Variants in DNAAF4 observed in about 807,000 individuals in gnomAD.
The protein encoded by DNAAF4 is dynein axonemal assembly factor 4.
In DNAAF4, 43 loss-of-function variants were observed where a neutral mutation model predicts 51.8. The observed-to-expected ratio is 0.83, with a 90% CI of 0.65 to 1.07. The LOEUF is 1.07. Among genes scored for constraint, DNAAF4 ranks in the 50% least tolerant of loss-of-function variants. The pLI, the probability that DNAAF4 is intolerant of heterozygous loss-of-function variation, is 0.00. For synonymous variants in DNAAF4, 194 were observed against 165.6 expected (o/e 1.17, Z -1.32); for missense variants, 581 against 493.0 (o/e 1.18, Z -1.69).
chr15:55,456,222 A>G (rs1212246020), intron 5 of DNAAF4, among the ~76,000 whole-genome samples: 1 of 151,714 alleles, frequency 6.6e-6, no homozygotes, highest in Non-Finnish European at 1.5e-5. Flanking sequence ...AGCTGGGATT[A>G]CAGGCACCCA....
At chr15:55,446,299 G>C (rs867738106) in intron 6 of DNAAF4, among the ~76,000 whole-genome samples, 53 of 97,762 alleles carry the variant, frequency 5.4e-4, no homozygotes, top group African/African-American at 2.3e-3. Context: ...TCCCAGACGG[G>C]GGGGGGGGGC....
chr15:55,469,332 A>T (rs1232397028), intron 4 of DNAAF4, among the ~76,000 whole-genome samples: 1 of 151,820 alleles, frequency 6.6e-6, no homozygotes, highest in East Asian at 1.9e-4. Flanking sequence ...CTCCTCTCAA[A>T]AAAAAAAGAA....
chr15:55,471,353 C>T (rs764986750), intron 4 of DNAAF4, among the ~76,000 whole-genome samples: 55 of 152,082 alleles, frequency 3.6e-4, no homozygotes, highest in Non-Finnish European at 6.2e-4. Flanking sequence ...AGCTCTGTGT[C>T]AGGAACCTGG....
intron 3 of DNAAF4, among the ~76,000 whole-genome samples, chr15:55,494,706 T>C (rs1016917923): frequency 1.3e-5 from 2 of 152,068 alleles, no homozygotes; most frequent in Non-Finnish European, 2.9e-5. Flanking sequence ...GCCACTGCGC[T>C]GAGCTTAAGT....
intron 6 of DNAAF4, among the ~76,000 whole-genome samples, chr15:55,443,845 CTTTT>C (rs1462935222): frequency 6.6e-6 from 1 of 152,162 alleles, no homozygotes; most frequent in East Asian, 1.9e-4. Flanking sequence ...TAAATGTCTT[CTTTT>C]GAGAAGTGTC....
At position 55,471,112 on chromosome 15, in the gene DNAAF4, C is replaced by T. The variant is rs1373286985; in HGVS notation, c.406-3951G>A. Among the ~76,000 whole-genome samples the T allele has an allele frequency of 2.6e-5, 4 of 152,174 alleles. No individual in the cohort carries two copies. The East Asian group carries it at 5.8e-4, about 22-fold the overall frequency. ...CTGGGCTCAAGCGATCCTCCCACCT[C>T]GGCCTCCCAAAGTGCTGGAATTACA... On this transcript the variant is annotated intron_variant, in intron 4 of 9. Coordinates refer to ENST00000321149, the MANE Select transcript of DNAAF4 (RefSeq NM_130810.4).
chr15:55,498,058 T>C, intron 2 of DNAAF4, 149 bp downstream of exon 2: 4 of 1,397,566 alleles, frequency 2.9e-6, no homozygotes, highest in Non-Finnish European at 3.9e-6. Context: ...AGATGGTGTG[T>C]TACCTGTATG....
intron 4 of DNAAF4, among the ~76,000 whole-genome samples, chr15:55,480,913 A>T (rs1347174928): frequency 6.6e-6 from 1 of 152,140 alleles, no homozygotes; most frequent in Non-Finnish European, 1.5e-5. Context: ...GGGTGGGACC[A>T]GGTGGAGGTA....
chr15:55,460,657 T>G (rs2058082194), intron 5 of DNAAF4, among the ~76,000 whole-genome samples: 2 of 152,150 alleles, frequency 1.3e-5, no homozygotes, highest in African/African-American at 2.4e-5. Context: ...TTAATAGATA[T>G]TTACAGAATA....
In DNAAF4 at chr15:55,470,644, C is replaced by T. The variant is rs1257363405; in HGVS notation, c.406-3483G>A. Reference sequence around the variant, plus strand: ...GCAGCCTCAACCTCCTGGGCTCCAACGATCCTCCAGTTCAGCCTTCTAGGT... The same window carrying T: ...GCAGCCTCAACCTCCTGGGCTCCAATGATCCTCCAGTTCAGCCTTCTAGGT... On this transcript the variant is annotated intron_variant, in intron 4 of 9. Transcript: ENST00000321149. Among the ~76,000 whole-genome samples, 4 of 151,136 alleles carry T rather than the reference C, an allele frequency of 2.6e-5. No individual in the cohort carries two copies. The East Asian group carries it at 5.9e-4, about 22-fold the overall frequency.
intron 6 of DNAAF4, among the ~76,000 whole-genome samples, chr15:55,446,326 T>C (rs1288698324): frequency 5.3e-5 from 4 of 75,558 alleles, no homozygotes; most frequent in Admixed American, 2.1e-4. Flanking sequence ...GCAGAGGCAC[T>C]CCTCACTTCC....
rs961855923 is a variant in DNAAF4, at chr15:55,430,434, C to T, written c.*236G>A. On this transcript the variant is annotated 3_prime_UTR_variant, in exon 10 of 10. Transcript: ENST00000321149. ...TAATTCAGTAACACAAAAAAGTATA[C>T]ATATGTATTAATATGAAGAAATAAG... The T allele has an allele frequency of 9.9e-7, 1 of 1,014,844 alleles. No individual in the cohort carries two copies. The highest frequency in any genetic ancestry group is 1.2e-6 in the Non-Finnish European group (1 of 835,208). 62.9% of individuals were successfully genotyped at this position (1,014,844 alleles called of 1,614,324 possible). A position where few individuals can be genotyped will look rare whatever the true frequency, so the allele number is the denominator to read the frequency against.
rs550744755 is a variant in DNAAF4 at position 55,454,801 on chromosome 15, T to C, written c.638-4434A>G. Among the ~76,000 whole-genome samples the C allele has an allele frequency of 2.0e-5, 3 of 152,154 alleles. No individual in the cohort carries two copies. The South Asian group carries it at 6.2e-4, about 32-fold the overall frequency. On this transcript the variant is annotated intron_variant, in intron 5 of 9. Transcript: ENST00000321149. ...TATTATGAGATAAATAAATATAAAA[T>C]TGAACTTATACTAATGAACCCATAA...
chr15:55,464,829 C>A (rs1322421159), intron 5 of DNAAF4, among the ~76,000 whole-genome samples: 1 of 152,086 alleles, frequency 6.6e-6, no homozygotes, highest in Non-Finnish European at 1.5e-5. Context: ...GTGGTACATG[C>A]CTGTAATCCT....
downstream of DNAAF4, among the ~76,000 whole-genome samples, chr15:55,429,510 CTG>C (rs1355423889): frequency 1.8e-5 from 2 of 112,772 alleles, no homozygotes; most frequent in Non-Finnish European, 3.6e-5. Context: ...AAGAGTGAAA[CTG>C]TGTCTCAAGA....
In DNAAF4 at chr15:55,433,018, G is replaced by A. The variant is rs868545375; in HGVS notation, c.1048-416C>T. ...AAATTCTAATTTTAAAATAAGCCTC[G>A]GGTGGGCCTGGTGGCTCACGCCTGT... On this transcript the variant is annotated intron_variant, in intron 8 of 9. Transcript: ENST00000321149. Among the ~76,000 whole-genome samples, 3 of 151,754 alleles carry A rather than the reference G, an allele frequency of 2.0e-5. 1 individual carries two copies. The highest frequency in any genetic ancestry group is 4.4e-5 in the Non-Finnish European group (3 of 67,952).
chr15:55,479,406 T>C (rs1055315210), intron 4 of DNAAF4, among the ~76,000 whole-genome samples: 4 of 152,120 alleles, frequency 2.6e-5, no homozygotes, highest in African/African-American at 9.7e-5. Flanking sequence ...AATCCTGTTA[T>C]CTTCGTAAGC....
chr15:55,442,757 G>T, intron 6 of DNAAF4: 1 of 1,588,956 alleles, frequency 6.3e-7, no homozygotes, highest in Non-Finnish European at 8.6e-7. Context: ...ACTTTATCAA[G>T]TTGGCTATTT....
chr15:55,484,642 T>A (rs1029635430), intron 4 of DNAAF4, among the ~76,000 whole-genome samples: 2 of 152,152 alleles, frequency 1.3e-5, no homozygotes, highest in African/African-American at 2.4e-5. Context: ...TAACTAATAG[T>A]ATAGATAGAT....
Sources: allele counts gnomAD v4.1 joint callset (sites outside exome capture counted in the v4.1 genomes callset), GRCh38; gene constraint gnomAD v4.1.1; transcripts MANE v1.5; gene names NCBI Gene and HGNC (gene_info 2026-07-23, HGNC 2026-07-21).